Variants in TTC23 observed in about 807,000 individuals in gnomAD.
TTC23 encodes the protein tetratricopeptide repeat domain 23, also known as tetratricopeptide repeat protein 23.
TTC23 carries 58 observed loss-of-function variants against 55.1 expected under a neutral mutation model. The observed-to-expected ratio is 1.05, with a 90% confidence interval of 0.85 to 1.31. The LOEUF is 1.31. TTC23 is among the 50% of genes most tolerant of loss of function. The probability of loss-of-function intolerance (pLI) is 0.00; values close to 1 mark genes in which losing one functional copy is unlikely to be tolerated. For synonymous variants in TTC23, 203 were observed against 199.9 expected, an observed-to-expected ratio of 1.02 and a Z score of -0.13; for missense variants, 516 against 534.4, an observed-to-expected ratio of 0.97 and a Z score of 0.34.
chr15:99,200,152 A>G (rs1274607556), intron 8 of TTC23, 56 bp from the exon 9 acceptor site: 1 of 1,417,382 alleles, frequency 7.1e-7, no homozygotes, highest in Non-Finnish European at 9.3e-7. Context: ...AATACTGAAA[A>G]TATAGGTGAG....
intron 12 of TTC23, chr15:99,140,013 A>C: frequency 4.1e-6 from 1 of 241,516 alleles, no homozygotes; most frequent in South Asian, 5.4e-5. Context: ...GGCCAAAATA[A>C]TTTTGAGAAA....
intron 10 of TTC23, among the ~76,000 whole-genome samples, chr15:99,169,469 G>T (rs934232769): frequency 6.6e-6 from 1 of 152,182 alleles, no homozygotes; most frequent in African/African-American, 2.4e-5. Flanking sequence ...CTATTCCCAG[G>T]TGTCCATGTC....
At chr15:99,206,965 G>C (rs181770676) in intron 8 of TTC23, among the ~76,000 whole-genome samples, 1 of 151,998 alleles carries the variant, frequency 6.6e-6, no homozygotes, top group East Asian at 1.9e-4. Flanking sequence ...TCTTAGTACT[G>C]CTTTTGCTGT....
At chr15:99,140,879 G>A (rs190464966) in intron 12 of TTC23, 2 of 152,146 alleles carry the variant, frequency 1.3e-5, no homozygotes, top group Non-Finnish European at 2.9e-5. Flanking sequence ...AATACATGAA[G>A]AATTCCTATA....
intron 12 of TTC23, among the ~76,000 whole-genome samples, chr15:99,147,753 A>G (rs1257370016): frequency 6.6e-6 from 1 of 152,182 alleles, no homozygotes; most frequent in Non-Finnish European, 1.5e-5. Flanking sequence ...GGGTTAGTCA[A>G]AGATGATTAT....
intron 9 of TTC23, among the ~76,000 whole-genome samples, chr15:99,176,943 G>A (rs959751896): frequency 6.6e-6 from 1 of 152,146 alleles, no homozygotes; most frequent in African/African-American, 2.4e-5. Context: ...ATTGATGCCA[G>A]CACACTCCTC....
At chr15:99,181,130 A>G (rs2074073198) in intron 9 of TTC23, among the ~76,000 whole-genome samples, 1 of 152,250 alleles carries the variant, frequency 6.6e-6, no homozygotes, top group Non-Finnish European at 1.5e-5. Context: ...ATGGTGCGTC[A>G]GCAGCAGAAC....
chr15:99,163,553 A>G (rs538088407), intron 10 of TTC23, among the ~76,000 whole-genome samples: 41 of 152,356 alleles, frequency 2.7e-4, no homozygotes, highest in Non-Finnish European at 4.7e-4. Flanking sequence ...ATGGGTGAGT[A>G]AACAAATTTG....
At chr15:99,250,828 C>T (rs950049128), upstream of TTC23, among the ~76,000 whole-genome samples, 2 of 152,174 alleles carry the variant, frequency 1.3e-5, no homozygotes, top group Non-Finnish European at 2.9e-5. Context: ...TCCTCCTCAT[C>T]TTTGTTATCT....
intron 12 of TTC23, among the ~76,000 whole-genome samples, chr15:99,146,822 T>G (rs1309387422): frequency 6.6e-6 from 1 of 152,226 alleles, no homozygotes; most frequent in Non-Finnish European, 1.5e-5. Flanking sequence ...GAGGGTGCCT[T>G]TTCCCCACAG....
intron 5 of TTC23, among the ~76,000 whole-genome samples, chr15:99,224,511 T>A (rs2078223730): frequency 6.6e-6 from 1 of 152,280 alleles, no homozygotes; most frequent in Non-Finnish European, 1.5e-5. Context: ...TATGACTATA[T>A]CATAACTGCA....
Position 99,137,752 on chromosome 15 carries a change from T to G in TTC23, c.*258A>C. The G allele has an allele frequency of 4.1e-6, 2 of 485,866 alleles. No individual in the cohort carries two copies. The highest frequency in any genetic ancestry group is 7.3e-6 in the Non-Finnish European group (2 of 274,070). The allele number at this position is 485,866 out of a possible 1,614,324, so 30.1% of individuals were successfully genotyped here. ...TTTCAGCCACAGTAGTGCTGATGGG[T>G]AAAAATTCTTGTTGGCAAGAAAAAC... On this transcript the variant is annotated 3_prime_UTR_variant, in exon 14 of 14. Coordinates refer to ENST00000394132, the MANE Select transcript of TTC23 (RefSeq NM_001288615.3).
chr15:99,206,963 C>A (rs546118943), intron 8 of TTC23, among the ~76,000 whole-genome samples: 1 of 152,220 alleles, frequency 6.6e-6, no homozygotes, highest in East Asian at 1.9e-4. Flanking sequence ...CCTCTTAGTA[C>A]TGCTTTTGCT....
intron 10 of TTC23, among the ~76,000 whole-genome samples, 175 bp from the exon 11 acceptor site, chr15:99,162,042 G>A (rs142189032): frequency 2.5e-3 from 385 of 152,296 alleles, no homozygotes; most frequent in Middle Eastern, 0.014. Context: ...AAGGATTTAG[G>A]TCTTGAAGGA....
chr15:99,236,681 C>G (rs759884536), intron 3 of TTC23, among the ~76,000 whole-genome samples: 22 of 152,080 alleles, frequency 1.4e-4, no homozygotes, highest in Non-Finnish European at 2.4e-4. Flanking sequence ...AGGCATTGAG[C>G]CTGGCCCTTT....
intron 3 of TTC23, among the ~76,000 whole-genome samples, chr15:99,236,070 G>A (rs544923467): frequency 1.3e-5 from 2 of 152,246 alleles, no homozygotes; most frequent in East Asian, 3.9e-4. Context: ...CCACCTTTTA[G>A]CTATTGTGAA....
intron 5 of TTC23, among the ~76,000 whole-genome samples, chr15:99,224,593 T>C (rs2078232386): frequency 1.3e-5 from 2 of 152,242 alleles, no homozygotes; most frequent in African/African-American, 4.8e-5. Context: ...CCTGTATGGA[T>C]AGCTTTGCAC....
At chr15:99,187,702 T>G (rs928496495) in intron 9 of TTC23, among the ~76,000 whole-genome samples, 1 of 151,948 alleles carries the variant, frequency 6.6e-6, no homozygotes, top group African/African-American at 2.4e-5. Flanking sequence ...ATTTCTCCCA[T>G]GAAGATATAT....
chr15:99,198,467 TTCAAGCTACCA>T (rs1459468453), intron 9 of TTC23, among the ~76,000 whole-genome samples: 5 of 152,242 alleles, frequency 3.3e-5, no homozygotes, highest in African/African-American at 1.2e-4. Context: ...TTCATCCTAG[TTCAAGCTACCA>T]TCATTCTCAG....
Sources: allele counts gnomAD v4.1 joint callset (sites outside exome capture counted in the v4.1 genomes callset), GRCh38; gene constraint gnomAD v4.1.1; transcripts MANE v1.5; gene names NCBI Gene and HGNC (gene_info 2026-07-23, HGNC 2026-07-21).